GRIK2: variants seen among roughly 807,000 people sequenced by gnomAD.
The protein encoded by GRIK2 is glutamate ionotropic receptor kainate type subunit 2, also known as glutamate receptor ionotropic, kainate 2.
In GRIK2, 32 loss-of-function variants were observed where a neutral mutation model predicts 100.3. The ratio of observed to expected loss-of-function variants is 0.32; its 90% confidence interval spans 0.24 to 0.43. The LOEUF (loss-of-function observed/expected upper bound fraction) is 0.43, where lower values mean the gene tolerates loss of function less well. GRIK2 is among the 20% of genes least tolerant of loss of function. GRIK2 has a pLI of 1.00. For missense variants in GRIK2, 843 were observed against 1,114.9 expected (o/e 0.76, Z 3.47); for synonymous variants, 417 against 389.4 (o/e 1.07, Z -0.83).
At chr6:101,416,848 TG>T (rs1425131606) in intron 2 of GRIK2, among the ~76,000 whole-genome samples, 1 of 152,132 alleles carries the variant, frequency 6.6e-6, no homozygotes, top group Non-Finnish European at 1.5e-5. Context: ...AGGAAATTGG[TG>T]GTGATTAGCT....
At chr6:101,546,975 C>T (rs1334019614) in intron 2 of GRIK2, among the ~76,000 whole-genome samples, 2 of 149,150 alleles carry the variant, frequency 1.3e-5, no homozygotes, top group East Asian at 2.0e-4. Flanking sequence ...GGACTACAGG[C>T]GCCCGCCACT....
intron 10 of GRIK2, among the ~76,000 whole-genome samples, chr6:101,827,696 T>G (rs544007788): frequency 4.9e-4 from 75 of 151,950 alleles, no homozygotes; most frequent in Non-Finnish European, 7.7e-4. Flanking sequence ...AGAATGACAT[T>G]ACATAATGAT....
At chr6:102,002,192 T>A (rs896986173) in intron 14 of GRIK2, among the ~76,000 whole-genome samples, 3 of 150,364 alleles carry the variant, frequency 2.0e-5, no homozygotes, top group African/African-American at 4.9e-5. Context: ...TTTAGGGGAA[T>A]TATTTTGATT....
chr6:101,971,466 C>A (rs572769896), intron 14 of GRIK2, among the ~76,000 whole-genome samples: 2 of 152,042 alleles, frequency 1.3e-5, no homozygotes, highest in East Asian at 3.9e-4. Flanking sequence ...ATGTATTATC[C>A]ATTGGAAAGA....
intron 2 of GRIK2, among the ~76,000 whole-genome samples, chr6:101,468,098 G>A (rs757052985): frequency 6.6e-6 from 1 of 152,064 alleles, no homozygotes; most frequent in Non-Finnish European, 1.5e-5. Flanking sequence ...TGAGATAGAG[G>A]AAGAAATCAC....
intron 10 of GRIK2, among the ~76,000 whole-genome samples, chr6:101,826,793 T>A (rs945987402): frequency 3.3e-5 from 5 of 151,562 alleles, no homozygotes. Context: ...TTAAAAAAAA[T>A]GACGTTTTTT....
chr6:101,690,605 A>G (rs1336622343), intron 7 of GRIK2, among the ~76,000 whole-genome samples: 1 of 151,890 alleles, frequency 6.6e-6, no homozygotes, highest in Non-Finnish European at 1.5e-5. Context: ...ATGGCTCCTC[A>G]TCATTTACTA....
chr6:101,559,597 A>G (rs527703461), intron 2 of GRIK2, among the ~76,000 whole-genome samples: 1 of 152,286 alleles, frequency 6.6e-6, no homozygotes, highest in African/African-American at 2.4e-5. Context: ...GCTACTCCCA[A>G]GAAGGTTGGG....
At chr6:102,026,670 T>C (rs762976208) in intron 14 of GRIK2, among the ~76,000 whole-genome samples, 2 of 151,240 alleles carry the variant, frequency 1.3e-5, no homozygotes, top group Admixed American at 6.6e-5. Context: ...TATCCTATTA[T>C]GCTTAGTCAC....
chr6:101,942,645 G>A (rs1340224065), intron 14 of GRIK2, among the ~76,000 whole-genome samples: 1 of 152,156 alleles, frequency 6.6e-6, no homozygotes, highest in Non-Finnish European at 1.5e-5. Flanking sequence ...CTAGGGATCT[G>A]TGGAACTTTG....
chr6:101,491,548 T>C (rs1773113106), intron 2 of GRIK2, among the ~76,000 whole-genome samples: 1 of 152,168 alleles, frequency 6.6e-6, no homozygotes, highest in African/African-American at 2.4e-5. Flanking sequence ...CCTGCATACT[T>C]ACCACTTAAA....
intron 14 of GRIK2, among the ~76,000 whole-genome samples, chr6:101,997,875 G>A (rs1296236540): frequency 6.6e-6 from 1 of 151,634 alleles, no homozygotes; most frequent in Non-Finnish European, 1.5e-5. Flanking sequence ...ATTATGATAT[G>A]TAAACTTTGG....
intron 14 of GRIK2, among the ~76,000 whole-genome samples, chr6:102,001,856 T>G (rs1179620745): frequency 6.6e-6 from 1 of 152,004 alleles, no homozygotes; most frequent in African/African-American, 2.4e-5. Flanking sequence ...TGTGCTATTT[T>G]CTAAGTAATC....
At chr6:101,908,307 G>A (rs1482928964) in intron 12 of GRIK2, among the ~76,000 whole-genome samples, 1 of 5,000 alleles carries the variant, frequency 2.0e-4, no homozygotes, top group Non-Finnish European at 3.8e-4. Context: ...AAAATTAATG[G>A]CAAAAACCAC....
chr6:101,793,960 C>G (rs761474144), intron 7 of GRIK2, among the ~76,000 whole-genome samples: 1 of 152,172 alleles, frequency 6.6e-6, no homozygotes, highest in East Asian at 1.9e-4. Flanking sequence ...AGTTTGATCT[C>G]AGACTTCTGT....
intron 2 of GRIK2, among the ~76,000 whole-genome samples, chr6:101,595,718 G>GTGTATA (rs1212283441): frequency 8.2e-6 from 1 of 122,328 alleles, no homozygotes; most frequent in Non-Finnish European, 1.8e-5. Context: ...GTGTGTGTGT[G>GTGTATA]TATATATATA....
At chr6:101,945,698 G>GGAT (rs1209959483) in intron 14 of GRIK2, among the ~76,000 whole-genome samples, 1 of 151,988 alleles carries the variant, frequency 6.6e-6, no homozygotes, top group Non-Finnish European at 1.5e-5. Flanking sequence ...GTATTTAAAG[G>GGAT]GATCACAAAC....
intron 15 of GRIK2, among the ~76,000 whole-genome samples, chr6:102,041,480 A>AAAT (rs1207128141): frequency 6.6e-6 from 1 of 151,548 alleles, no homozygotes; most frequent in Admixed American, 6.6e-5. Flanking sequence ...TGTTTGTTCT[A>AAAT]AATACCAAAC....
intron 2 of GRIK2, among the ~76,000 whole-genome samples, chr6:101,560,462 T>G (rs1172517347): frequency 6.6e-6 from 1 of 152,110 alleles, no homozygotes; most frequent in African/African-American, 2.4e-5. Flanking sequence ...TTGTTTCCAA[T>G]GCCAGTATAG....
Sources: gnomAD v4.1 joint callset for allele counts (sites outside exome capture counted in the v4.1 genomes callset) on GRCh38, gnomAD v4.1.1 for gene constraint, MANE v1.5 for transcripts, NCBI Gene and HGNC (gene_info 2026-07-23, HGNC 2026-07-21) for gene names.